The following CELF5 variants were observed in gnomAD, a reference collection of about 807,000 sequenced individuals.
CELF5 encodes CUG-BP and ETR-3 like factor 5.
Under a neutral mutation model 54.9 loss-of-function variants are expected in CELF5, and 6 were observed. The observed-to-expected ratio is 0.11, with a 90% confidence interval of 0.06 to 0.22. CELF5 has a LOEUF of 0.22. Among genes scored for constraint, CELF5 ranks in the 10% least tolerant of loss-of-function variants. CELF5 has a pLI of 1.00. For missense variants in CELF5, 401 were observed against 678.6 expected (o/e 0.59, Z 4.54); for synonymous variants, 271 against 290.9 (o/e 0.93, Z 0.70).
chr19:3,291,191 G>A (rs1476481063), intron 11 of CELF5, among the ~76,000 whole-genome samples: 1 of 151,902 alleles, frequency 6.6e-6, no homozygotes, highest in African/African-American at 2.4e-5. Context: ...CCTTGAGTCC[G>A]TGAGGTCGAG....
intron 2 of CELF5, among the ~76,000 whole-genome samples, chr19:3,253,360 C>T (rs982550445): frequency 1.3e-5 from 2 of 152,304 alleles, no homozygotes; most frequent in African/African-American, 2.4e-5. Flanking sequence ...AGGGAGGTTA[C>T]AGTCAAGATA....
intron 11 of CELF5, among the ~76,000 whole-genome samples, chr19:3,292,111 T>C (rs1484367927): frequency 6.6e-6 from 1 of 151,898 alleles, no homozygotes; most frequent in Non-Finnish European, 1.5e-5. Context: ...CACGTCTGGC[T>C]AATTTTTGTA....
rs753682322 is a variant in CELF5 at position 3,282,186 on chromosome 19, G to A, written c.811G>A (p.Ala271Thr). 4.3e-5 allele frequency: 69 copies of A among 1,613,982 alleles called. No individual in the cohort carries two copies. Among genetic ancestry groups the A allele is most frequent in the Non-Finnish European group, 5.3e-5 (62 of 1,180,044 alleles). ...GGGCAGCTACCTGAGTCCCGGCGTG[G>A]CCTTCTCACCCTGTCACATCCAGCA... Reference protein sequence around the residue: ...TSGSYLSPGVAFSPCHIQQIG... With the variant: ...TSGSYLSPGVTFSPCHIQQIG... The change falls in exon 7 of 13, where the codon GCC becomes ACC. Residue 271 changes from alanine (A) to threonine (T), a missense_variant. By Grantham distance (58) the Ala-to-Thr change is moderately conservative. Coordinates refer to ENST00000292672, the MANE Select transcript of CELF5 (RefSeq NM_021938.4). The surrounding 1 kb of genome is among the most constrained non-coding windows in gnomAD (Gnocchi z 5.2).
At chr19:3,277,993 C>T (rs745744488) in intron 4 of CELF5, 38 bp from the exon 5 acceptor site, 3 of 1,566,242 alleles carry the variant, frequency 1.9e-6, no homozygotes, top group Non-Finnish European at 2.6e-6. Context: ...GTCCTGTGAC[C>T]CCATCACCCT....
chr19:3,276,671 T>G (rs1340980862), intron 4 of CELF5, among the ~76,000 whole-genome samples: 4 of 131,480 alleles, frequency 3.0e-5, no homozygotes, highest in African/African-American at 1.2e-4. Flanking sequence ...GGACGGGCCC[T>G]GAAGAGGGGC....
intron 1 of CELF5, among the ~76,000 whole-genome samples, chr19:3,245,299 CTGTG>C (rs374165720): frequency 9.0e-5 from 11 of 122,506 alleles, no homozygotes; most frequent in African/African-American, 3.2e-4. Flanking sequence ...GTGTTTGCAT[CTGTG>C]TGTGTGTGGT....
intron 12 of CELF5, chr19:3,295,942 G>A (rs1256039480): frequency 1.3e-5 from 2 of 152,030 alleles, no homozygotes; most frequent in East Asian, 3.9e-4. Context: ...CACCAGCCTC[G>A]AATTTAAGGT....
At chr19:3,255,341 C>A (rs923803823) in intron 2 of CELF5, among the ~76,000 whole-genome samples, 1 of 152,136 alleles carries the variant, frequency 6.6e-6, no homozygotes, top group Non-Finnish European at 1.5e-5. Flanking sequence ...TGAGCCACCA[C>A]GCTGGCTAAT....
chr19:3,282,476 C>T lies in CELF5; in HGVS notation c.1017C>T (p.Ala339=). ...GGHPALETVY[A]NGLVPYPAQS... is the part of the protein sequence containing the mutation. ...ACCCTGCCCTGGAAACCGTCTATGC[C>T]AATGGCCTTGTGCCCTACCCAGGTA... Residue 339 remains alanine (A), a synonymous_variant, in exon 8 of 13, where the codon GCC becomes GCT. Transcript: ENST00000292672. This position sits in a 1 kb window ranked among gnomAD's most constrained non-coding sequence, Gnocchi z 5.2. 1.2e-6 allele frequency: 2 copies of T among 1,613,514 alleles called. No individual in the cohort carries two copies. Among genetic ancestry groups the T allele is most frequent in the Non-Finnish European group, 1.7e-6 (2 of 1,179,920 alleles).
chr19:3,224,963 C>T lies in CELF5; in HGVS notation c.224C>T (p.Thr75Met). ...CAGTTCGGCCGCATCTACGAGCTCA[C>T]GGTGCTCAAAGACCCCTACACGGGG... ...FEQFGRIYEL[T>M]VLKDPYTGMH... The change falls in exon 1 of 13, where the codon ACG (threonine) becomes ATG (methionine). Residue 75 changes from threonine to methionine, a missense_variant. Transcript: ENST00000292672. 2.5e-6 allele frequency: 4 copies of T among 1,605,932 alleles called. No individual in the cohort carries two copies. Among genetic ancestry groups the T allele is most frequent in the African/African-American group, 1.3e-5 (1 of 74,576 alleles).
chr19:3,263,079 C>T (rs149789362), intron 2 of CELF5, among the ~76,000 whole-genome samples: 12,132 of 151,412 alleles, frequency 0.08, 612 homozygotes, highest in Middle Eastern at 0.19. Flanking sequence ...AACTCCGTCT[C>T]TACTAAACAT....
Position 3,278,476 on chromosome 19 carries a change from G to C in CELF5, c.603+366G>C, listed in dbSNP as rs868258070. Among the ~76,000 whole-genome samples the C allele has an allele frequency of 6.6e-6, 1 of 152,054 alleles. No homozygotes were observed. The highest frequency in any genetic ancestry group is 2.1e-4 in the South Asian group (1 of 4,822). ...GTCATTACTAGTAGGCGAGTGTTAT[G>C]TGAGTGCTGTGTGCACGAGGGGTGT... On this transcript the variant is annotated intron_variant, in intron 5 of 12. Transcript: ENST00000292672. The surrounding 1 kb of genome is among the most constrained non-coding windows in gnomAD (Gnocchi z 4.5).
intron 11 of CELF5, among the ~76,000 whole-genome samples, chr19:3,291,376 A>G (rs1358038369): frequency 2.6e-5 from 4 of 151,946 alleles, no homozygotes; most frequent in Non-Finnish European, 5.9e-5. Context: ...CATCCTGGCT[A>G]ACACAGTGAA....
chr19:3,285,103 A>C (rs1348482428), intron 9 of CELF5, 139 bp downstream of exon 9: 2 of 621,758 alleles, frequency 3.2e-6, no homozygotes, highest in Non-Finnish European at 2.7e-6. Flanking sequence ...CTCAGGGCCC[A>C]CCCTTAGCCC....
At chr19:3,245,117 A>ATG (rs1188316170) in intron 1 of CELF5, among the ~76,000 whole-genome samples, 1 of 125,104 alleles carries the variant, frequency 8.0e-6, no homozygotes, top group Non-Finnish European at 1.7e-5. Flanking sequence ...GCACCTGTGC[A>ATG]TGTGTGTGTG....
intron 2 of CELF5, among the ~76,000 whole-genome samples, chr19:3,252,803 C>G (rs2079669612): frequency 6.6e-6 from 1 of 151,996 alleles, no homozygotes; most frequent in Non-Finnish European, 1.5e-5. Context: ...TTGCTCAGCT[C>G]CATCCTTGCT....
chr19:3,295,463 T>G (rs1953644188), intron 12 of CELF5: 2 of 152,236 alleles, frequency 1.3e-5, no homozygotes, highest in South Asian at 4.1e-4. Context: ...AGAGTGACCC[T>G]GGGCCGGTCA....
intron 1 of CELF5, among the ~76,000 whole-genome samples, chr19:3,240,062 G>T (rs934474092): frequency 6.6e-6 from 1 of 150,894 alleles, no homozygotes; most frequent in Non-Finnish European, 1.5e-5. Flanking sequence ...AGGCTGGAGC[G>T]CAGTGGCGAG....
At chr19:3,232,694 C>G (rs1354480367) in intron 1 of CELF5, among the ~76,000 whole-genome samples, 1 of 149,600 alleles carries the variant, frequency 6.7e-6, no homozygotes, top group Admixed American at 6.7e-5. Context: ...GTAATCCCAG[C>G]ACTTTGGGAG....
Sources: allele counts gnomAD v4.1 joint callset (sites outside exome capture counted in the v4.1 genomes callset), GRCh38; gene constraint gnomAD v4.1.1; non-coding constraint Gnocchi (gnomAD v3.1); transcripts MANE v1.5; gene names NCBI Gene and HGNC (gene_info 2026-07-23, HGNC 2026-07-21).